PCLO: variants seen among roughly 807,000 people sequenced by gnomAD.
PCLO encodes protein piccolo.
In PCLO, 82 loss-of-function variants were observed where a neutral mutation model predicts 427.5. The observed-to-expected ratio is 0.19, with a 90% CI of 0.16 to 0.23. The LOEUF is 0.23. PCLO is among the 10% of genes least tolerant of loss of function. The pLI, the probability that PCLO is intolerant of heterozygous loss-of-function variation, is 1.00. For synonymous variants in PCLO, 2,357 were observed against 2,155.4 expected (o/e 1.09, Z -2.59); for missense variants, 6,239 against 6,115.9 (o/e 1.02, Z -0.67).
chr7:83,038,754 T>C (rs934615061), intron 3 of PCLO, among the ~76,000 whole-genome samples: 49 of 152,146 alleles, frequency 3.2e-4, no homozygotes, highest in Admixed American at 3.9e-4. Flanking sequence ...AGGAGTAAAA[T>C]TGCTGGGTCA....
intron 2 of PCLO, among the ~76,000 whole-genome samples, chr7:83,139,902 G>T (rs1020040040): frequency 1.3e-5 from 2 of 152,044 alleles, no homozygotes; most frequent in African/African-American, 4.8e-5. Flanking sequence ...AGGTAGAAAT[G>T]ATTTGTATTT....
chr7:83,021,816 T>C (rs1199210972), intron 3 of PCLO, among the ~76,000 whole-genome samples: 1 of 152,174 alleles, frequency 6.6e-6, no homozygotes, highest in African/African-American at 2.4e-5. Flanking sequence ...TTACAAACTT[T>C]ACCACAAGAT....
At chr7:82,875,716 C>A (rs1184523824) in intron 10 of PCLO, among the ~76,000 whole-genome samples, 1 of 152,024 alleles carries the variant, frequency 6.6e-6, no homozygotes, top group Non-Finnish European at 1.5e-5. Context: ...TGCTAGGTAG[C>A]CTGATTTGAT....
At position 83,156,140 on chromosome 7, in the gene PCLO, G is replaced by C; in HGVS notation, c.501C>G (p.Ser167=). The change falls in exon 2 of 25, where the codon TCC becomes TCG. Residue 167 remains serine, a synonymous_variant. Coordinates refer to ENST00000333891, the MANE Select transcript of PCLO (RefSeq NM_033026.6). ...AAGGGTTGAATTTATTTACAACAGA[G>C]GAAACAGCACTTAAAGCGTTAACCT... The part of the protein sequence containing the change: ...LSEVNALSAV[S]SVVNKFNPFD... The C allele has an allele frequency of 6.2e-7, 1 of 1,613,772 alleles. No individual in the cohort carries two copies. The highest frequency in any genetic ancestry group is 8.5e-7 in the Non-Finnish European group (1 of 1,179,840).
chr7:82,792,699 T>C (rs1791130220), intron 22 of PCLO, among the ~76,000 whole-genome samples: 1 of 152,306 alleles, frequency 6.6e-6, no homozygotes, highest in African/African-American at 2.4e-5. Context: ...CCCGTTATTT[T>C]ACCGAACTCA....
intron 6 of PCLO, among the ~76,000 whole-genome samples, chr7:82,929,276 A>T (rs2116331926): frequency 6.6e-6 from 1 of 152,326 alleles, no homozygotes; most frequent in East Asian, 1.9e-4. Flanking sequence ...CATATAAAAT[A>T]TCTTATTAAT....
intron 3 of PCLO, among the ~76,000 whole-genome samples, chr7:83,069,189 G>A (rs1001818891): frequency 2.6e-5 from 4 of 152,054 alleles, no homozygotes; most frequent in African/African-American, 9.7e-5. Context: ...GAATATACAT[G>A]GCAGATGGGT....
chr7:83,125,494 G>C (rs1791414935), intron 3 of PCLO, among the ~76,000 whole-genome samples: 1 of 152,220 alleles, frequency 6.6e-6, no homozygotes, highest in Admixed American at 6.5e-5. Flanking sequence ...TACTGTGTCT[G>C]TGTAGAAAGA....
intron 3 of PCLO, among the ~76,000 whole-genome samples, chr7:82,993,727 T>C (rs1386415985): frequency 2.0e-5 from 3 of 152,066 alleles, no homozygotes; most frequent in African/African-American, 7.2e-5. Context: ...TGTTTTGCAA[T>C]ATTCGCTTTA....
At chr7:83,136,832 C>G (rs1333797366) in intron 2 of PCLO, among the ~76,000 whole-genome samples, 1 of 151,922 alleles carries the variant, frequency 6.6e-6, no homozygotes, top group East Asian at 1.9e-4. Context: ...TGCATTGCAT[C>G]TATTGTGAAA....
In PCLO at chr7:83,109,395, C is replaced by T. The variant is rs570691303; in HGVS notation, c.3300+24855G>A. On this transcript the variant is annotated intron_variant, in intron 3 of 24. Coordinates refer to ENST00000333891, the MANE Select transcript of PCLO (RefSeq NM_033026.6). Reference sequence around the variant, plus strand: ...ATATGTTCCCCACTCTTCATTGCCACTTTTCAACCACTGTTCATCCCTGAC... The same window carrying T: ...ATATGTTCCCCACTCTTCATTGCCATTTTTCAACCACTGTTCATCCCTGAC... Among the ~76,000 whole-genome samples, 3 of 152,278 alleles carry T rather than the reference C, an allele frequency of 2.0e-5. No homozygotes were observed. In the East Asian group the frequency reaches 5.8e-4, roughly 29 times the overall value.
At chr7:83,058,339 G>C (rs1258644465) in intron 3 of PCLO, among the ~76,000 whole-genome samples, 1 of 152,092 alleles carries the variant, frequency 6.6e-6, no homozygotes, top group Non-Finnish European at 1.5e-5. Context: ...AAGTCAAAGT[G>C]CAGTACATTT....
intron 22 of PCLO, among the ~76,000 whole-genome samples, chr7:82,771,530 T>C (rs1313101674): frequency 6.6e-6 from 1 of 152,028 alleles, no homozygotes; most frequent in African/African-American, 2.4e-5. Flanking sequence ...TTGAATCACT[T>C]GAAAAATAAC....
intron 3 of PCLO, among the ~76,000 whole-genome samples, chr7:83,060,747 A>C (rs1244517486): frequency 1.3e-5 from 2 of 152,176 alleles, no homozygotes; most frequent in Non-Finnish European, 2.9e-5. Flanking sequence ...ACAGTTTCAA[A>C]AAATAGTGCA....
At position 83,026,046 on chromosome 7, in the gene PCLO, C is replaced by T. The variant is rs1236692188; in HGVS notation, c.3301-59559G>A. ...CGAGACTAGGAAGAAACTGCATCAA[C>T]TAACGAGCAAAATCACCAGCTAACA... On this transcript the variant is annotated intron_variant, in intron 3 of 24. Coordinates refer to ENST00000333891, the MANE Select transcript of PCLO (RefSeq NM_033026.6). 6.5e-3 allele frequency among the ~76,000 whole-genome samples: 994 copies of T among 151,986 alleles called. 13 individuals are homozygous for T. The highest frequency in any genetic ancestry group is 0.023 in the African/African-American group (949 of 41,430).
intron 22 of PCLO, among the ~76,000 whole-genome samples, chr7:82,786,424 G>C (rs529564822): frequency 6.6e-6 from 1 of 151,934 alleles, no homozygotes; most frequent in Non-Finnish European, 1.5e-5. Context: ...TGTTTAAATC[G>C]TTAACAAATT....
chr7:82,758,480 C>T lies in PCLO; in HGVS notation c.*95G>A, dbSNP rs1583941276. On this transcript the variant is annotated 3_prime_UTR_variant, in exon 25 of 25. Coordinates refer to ENST00000333891, the MANE Select transcript of PCLO (RefSeq NM_033026.6). ...CTTGTTGTTCCCACTCTTATGTTTG[C>T]CTCTCAAAACTTAGCTTTGTACAAT... 2.0e-6 allele frequency: 2 copies of T among 980,740 alleles called. No individual in the cohort carries two copies. The highest frequency in any genetic ancestry group is 2.9e-6 in the Non-Finnish European group (2 of 682,244). The allele number at this position is 980,740 out of a possible 1,614,324, so 60.8% of individuals were successfully genotyped here. A position where few individuals can be genotyped will look rare whatever the true frequency, so the allele number is the denominator to read the frequency against.
intron 3 of PCLO, among the ~76,000 whole-genome samples, chr7:83,105,691 T>C (rs574653475): frequency 3.1e-4 from 47 of 152,262 alleles, no homozygotes; most frequent in Non-Finnish European, 5.9e-4. Flanking sequence ...GTTGTTTGAA[T>C]TGAAGTACTA....
At chr7:83,093,472 G>GTGTGTGTGTGTGTGTGTGTATATATATA (rs745824155) in intron 3 of PCLO, among the ~76,000 whole-genome samples, 1 of 99,196 alleles carries the variant, frequency 1.0e-5, no homozygotes, top group African/African-American at 4.6e-5. Context: ...ATGTGTGTGT[G>GTGTGTGTGTGTGTGTGTGTATATATATA]TATAGATATA....
Sources: allele counts gnomAD v4.1 joint callset (sites outside exome capture counted in the v4.1 genomes callset), GRCh38; gene constraint gnomAD v4.1.1; transcripts MANE v1.5; gene names NCBI Gene and HGNC (gene_info 2026-07-23, HGNC 2026-07-21).